CDH13: variants seen among roughly 807,000 people sequenced by gnomAD.
The protein encoded by CDH13 is cadherin 13.
Under a neutral mutation model 63.8 loss-of-function variants are expected in CDH13, and 24 were observed. That is an observed-to-expected ratio of 0.38 (90% CI 0.27 to 0.53). CDH13 has a LOEUF of 0.53. CDH13 is among the 20% of genes least tolerant of loss of function. The pLI, the probability that CDH13 is intolerant of heterozygous loss-of-function variation, is 0.85. For synonymous variants in CDH13, 503 were observed against 355.3 expected, an observed-to-expected ratio of 1.42 and a Z score of -4.67; for missense variants, 1,049 against 903.1, an observed-to-expected ratio of 1.16 and a Z score of -2.07.
intron 3 of CDH13, among the ~76,000 whole-genome samples, chr16:83,108,163 G>T (rs1597350792): frequency 6.6e-6 from 1 of 151,968 alleles, no homozygotes; most frequent in Non-Finnish European, 1.5e-5. Context: ...CATTCCCCGG[G>T]TATGTAGTTA....
chr16:83,784,888 A>G (rs1915776844), intron 13 of CDH13, among the ~76,000 whole-genome samples: 1 of 152,134 alleles, frequency 6.6e-6, no homozygotes, highest in Non-Finnish European at 1.5e-5. Context: ...CTCCTGTCTC[A>G]GGTACTAATG....
At chr16:82,979,867 A>T (rs1910027760) in intron 2 of CDH13, among the ~76,000 whole-genome samples, 1 of 152,194 alleles carries the variant, frequency 6.6e-6, no homozygotes. Context: ...ATTAGAAAAA[A>T]CTGGACTTTG....
rs543517776 is a variant in CDH13, at chr16:83,614,899, G to A, written c.1101+12305G>A. Among the ~76,000 whole-genome samples, 17 of 152,226 alleles carry A rather than the reference G, an allele frequency of 1.1e-4. No individual in the cohort carries two copies. In the South Asian group the frequency reaches 3.1e-3, roughly 28 times the overall value. On this transcript the variant is annotated intron_variant, in intron 8 of 13. Coordinates refer to ENST00000567109, the MANE Select transcript of CDH13 (RefSeq NM_001257.5). ...TCAAAATCAACTTATTTCAGTAAAA[G>A]TTTAAAATGTTTGAAGTGTCTCCTA...
intron 8 of CDH13, among the ~76,000 whole-genome samples, chr16:83,636,123 G>A (rs868348071): frequency 2.0e-5 from 3 of 151,752 alleles, no homozygotes; most frequent in Middle Eastern, 3.4e-3. Flanking sequence ...TCATGTGGGT[G>A]CAGGTGTATT....
chr16:83,157,134 G>A (rs574596155), intron 4 of CDH13, among the ~76,000 whole-genome samples: 14 of 152,180 alleles, frequency 9.2e-5, no homozygotes, highest in Non-Finnish European at 1.9e-4. Flanking sequence ...TCAGTAGATT[G>A]TCTCAGAATT....
chr16:82,645,765 G>A (rs893094528), intron 1 of CDH13, among the ~76,000 whole-genome samples: 3 of 152,210 alleles, frequency 2.0e-5, no homozygotes, highest in African/African-American at 4.8e-5. Flanking sequence ...TTTTTCAAAA[G>A]GTAAAACCAA....
intron 5 of CDH13, among the ~76,000 whole-genome samples, chr16:83,342,158 T>G (rs1257955052): frequency 6.6e-6 from 1 of 152,168 alleles, no homozygotes; most frequent in African/African-American, 2.4e-5. Context: ...AGTACTGAGT[T>G]TTTTCATTTT....
chr16:82,917,931 AAG>A (rs374736038), intron 2 of CDH13, among the ~76,000 whole-genome samples: 5,635 of 90,186 alleles, frequency 0.062, 259 homozygotes, highest in Non-Finnish European at 0.13. Flanking sequence ...AAAAAAAAAA[AAG>A]GCATGTAAAG....
intron 1 of CDH13, among the ~76,000 whole-genome samples, chr16:82,787,328 A>G (rs547563805): frequency 4.7e-4 from 72 of 152,338 alleles, no homozygotes; most frequent in Non-Finnish European, 8.2e-4. Context: ...TCCCTAACAA[A>G]ATAAACAGTA....
chr16:83,671,073 C>A, intron 9 of CDH13, 101 bp downstream of exon 9: 2 of 970,960 alleles, frequency 2.1e-6, no homozygotes, highest in Non-Finnish European at 3.1e-6. Context: ...CAGATAAATT[C>A]CCCCAGTCTC....
At chr16:83,242,156 C>G (rs925745138) in intron 5 of CDH13, among the ~76,000 whole-genome samples, 1 of 152,166 alleles carries the variant, frequency 6.6e-6, no homozygotes, top group African/African-American at 2.4e-5. Context: ...GGGTTTATTT[C>G]TAGGTTCTCT....
intron 5 of CDH13, among the ~76,000 whole-genome samples, chr16:83,251,937 G>T (rs1004383901): frequency 2.0e-5 from 3 of 151,924 alleles, no homozygotes; most frequent in African/African-American, 7.3e-5. Context: ...GCCCCTGAGG[G>T]AGTGCCTCTT....
chr16:82,846,303 C>A (rs1597785788), intron 1 of CDH13, among the ~76,000 whole-genome samples: 1 of 152,036 alleles, frequency 6.6e-6, no homozygotes, highest in African/African-American at 2.4e-5. Context: ...TTCCACAATA[C>A]TTTATACATA....
At chr16:83,370,149 A>ATT (rs2091337519) in intron 6 of CDH13, among the ~76,000 whole-genome samples, 1 of 152,186 alleles carries the variant, frequency 6.6e-6, no homozygotes, top group African/African-American at 2.4e-5. Flanking sequence ...GCACTTTGGA[A>ATT]GTCTGAGGCG....
chr16:82,972,911 A>T (rs578175460), intron 2 of CDH13, among the ~76,000 whole-genome samples: 10 of 152,298 alleles, frequency 6.6e-5, no homozygotes, highest in Admixed American at 2.0e-4. Flanking sequence ...GATTTTAATG[A>T]ACCCTCGTAG....
At chr16:83,204,240 C>T (rs1217759492) in intron 4 of CDH13, among the ~76,000 whole-genome samples, 1 of 152,194 alleles carries the variant, frequency 6.6e-6, no homozygotes, top group Non-Finnish European at 1.5e-5. Context: ...TGGGTCAAGA[C>T]CATGGGCTCT....
At chr16:83,779,405 T>TAAAA (rs1174439191) in intron 11 of CDH13, among the ~76,000 whole-genome samples, 9,376 of 67,740 alleles carry the variant, frequency 0.14, 3,492 homozygotes, top group Middle Eastern at 0.19. Context: ...AGACTCCATC[T>TAAAA]CAAAAAAAAA....
chr16:83,200,630 G>C (rs1312913621), intron 4 of CDH13, among the ~76,000 whole-genome samples: 1 of 152,088 alleles, frequency 6.6e-6, no homozygotes, highest in Non-Finnish European at 1.5e-5. Context: ...GTTTACCCAG[G>C]GTCGTTTTGG....
intron 2 of CDH13, among the ~76,000 whole-genome samples, chr16:82,865,497 G>A (rs1308572798): frequency 6.6e-6 from 1 of 152,204 alleles, no homozygotes; most frequent in African/African-American, 2.4e-5. Flanking sequence ...TAGGCTTGGG[G>A]CTTGCACCCT....
Sources: gnomAD v4.1 joint callset for allele counts (sites outside exome capture counted in the v4.1 genomes callset) on GRCh38, gnomAD v4.1.1 for gene constraint, MANE v1.5 for transcripts, NCBI Gene and HGNC (gene_info 2026-07-23, HGNC 2026-07-21) for gene names.